The following RUFY4 variants were observed in gnomAD, a reference collection of about 807,000 sequenced individuals.
RUFY4 encodes the protein RUN and FYVE domain containing 4.
Under a neutral mutation model 69.0 loss-of-function variants are expected in RUFY4, and 73 were observed. The ratio of observed to expected loss-of-function variants is 1.06; its 90% CI spans 0.88 to 1.29. RUFY4 has a LOEUF of 1.29. Ranked by LOEUF, RUFY4 falls within the 50% of genes most tolerant of loss-of-function variation. The probability of loss-of-function intolerance (pLI) is 0.00; values close to 1 mark genes in which losing one functional copy is unlikely to be tolerated. For missense variants in RUFY4, 770 were observed against 705.6 expected (o/e 1.09, Z -1.03); for synonymous variants, 287 against 271.8 (o/e 1.06, Z -0.55).
At chr2:218,066,048 A>G (rs1343853031), upstream of RUFY4, among the ~76,000 whole-genome samples, 1 of 152,250 alleles carries the variant, frequency 6.6e-6, no homozygotes, top group Middle Eastern at 3.4e-3. Flanking sequence ...CAGGGCCTTG[A>G]GAGGGCCAGG....
intron 3 of RUFY4, among the ~76,000 whole-genome samples, chr2:218,062,604 G>C: frequency 6.6e-6 from 1 of 151,944 alleles, no homozygotes; most frequent in Non-Finnish European, 1.5e-5. Context: ...CTAGCTACCT[G>C]GGAGGCTGAG....
chr2:218,060,473 T>C, intron 3 of RUFY4: 2 of 1,362,658 alleles, frequency 1.5e-6, no homozygotes, highest in Admixed American at 1.7e-5. Context: ...TTCTGGCCAA[T>C]GAAGGCGTAG....
At chr2:218,075,492 A>C in exon 7 of RUFY4, 1 of 1,588,730 alleles carries the variant, frequency 6.3e-7, no homozygotes, top group Non-Finnish European at 8.6e-7. Context: ...GGGGACTCAC[A>C]AAAAGGAAGC....
chr2:218,069,359 G>A (rs1407009400), upstream of RUFY4: 2 of 152,238 alleles, frequency 1.3e-5, no homozygotes, highest in Non-Finnish European at 2.9e-5. Flanking sequence ...GTGAGTAGCA[G>A]GGAGACCCCT....
intron 10 of RUFY4, 25 bp downstream of exon 12, chr2:218,089,387 C>T (rs772280359): frequency 2.5e-6 from 4 of 1,597,194 alleles, no homozygotes; most frequent in African/African-American, 2.7e-5. Flanking sequence ...ACAGAATCCT[C>T]CCTCTGGGAC....
At chr2:218,060,678 C>T (rs761437097) in intron 3 of RUFY4, 3 of 1,328,848 alleles carry the variant, frequency 2.3e-6, no homozygotes, top group Non-Finnish European at 3.3e-6. Context: ...CCCACATGGT[C>T]CAGTGCTTCT....
chr2:218,053,594 C>A (rs1688992049), intron 2 of RUFY4, among the ~76,000 whole-genome samples: 2 of 152,144 alleles, frequency 1.3e-5, no homozygotes, highest in African/African-American at 4.8e-5. Flanking sequence ...ACTGCAAGCT[C>A]CGCCTCCCGG....
chr2:218,090,172 T>C lies in RUFY4; in HGVS notation c.*118T>C, dbSNP rs1173340074. On this transcript the variant is annotated 3_prime_UTR_variant, in exon 11 of 11. Transcript: ENST00000344321. The stretch of plus-strand genomic sequence containing the variant: ...TTTGTCCAGTCCTCATTCTAGACAC[T>C]GAAGATCTAAGGCACCAGCACTTCT... 1.6e-5 allele frequency: 9 copies of C among 545,576 alleles called. No individual in the cohort carries two copies. In the African/African-American group the frequency reaches 1.7e-4, roughly 10 times the overall value. The allele number at this position is 545,576 out of a possible 1,614,324, so 33.8% of individuals were successfully genotyped here.
chr2:218,062,887 C>A (rs898337643), intron 3 of RUFY4, among the ~76,000 whole-genome samples: 1 of 152,188 alleles, frequency 6.6e-6, no homozygotes, highest in African/African-American at 2.4e-5. Flanking sequence ...TAAGAGGGAA[C>A]GGCGGCAGGA....
exon 7 of RUFY4, chr2:218,075,557 G>A: frequency 2.0e-6 from 3 of 1,535,760 alleles, no homozygotes; most frequent in Non-Finnish European, 2.6e-6. Flanking sequence ...GGGCTGTAGA[G>A]GGAGCAGTAT....
chr2:218,056,662 T>C (rs1689072865), intron 2 of RUFY4, among the ~76,000 whole-genome samples: 1 of 152,158 alleles, frequency 6.6e-6, no homozygotes, highest in Non-Finnish European at 1.5e-5. Context: ...TAGAGTTGAG[T>C]GTCCAGAGGA....
upstream of RUFY4, among the ~76,000 whole-genome samples, chr2:218,066,911 C>T (rs1457914007): frequency 6.6e-6 from 1 of 152,186 alleles, no homozygotes; most frequent in Admixed American, 6.5e-5. Flanking sequence ...ATTACTGTTG[C>T]TTTAATGGTA....
chr2:218,078,921 G>A (rs1283294639), intron 8 of RUFY4, among the ~76,000 whole-genome samples: 3 of 152,326 alleles, frequency 2.0e-5, no homozygotes, highest in Admixed American at 1.3e-4. Context: ...AGGCTGGAGT[G>A]CAGTGGCGAC....
At chr2:218,046,720 A>T (rs181500196) in intron 2 of RUFY4, among the ~76,000 whole-genome samples, 64 of 152,358 alleles carry the variant, frequency 4.2e-4, no homozygotes, top group Admixed American at 1.2e-3. Flanking sequence ...TGACAAATAT[A>T]ACTTAGAGAA....
chr2:218,084,374 G>C (rs1689842752), intron 9 of RUFY4, among the ~76,000 whole-genome samples: 1 of 152,108 alleles, frequency 6.6e-6, no homozygotes, highest in South Asian at 2.1e-4. Flanking sequence ...TGGGACTACA[G>C]GTGTATGCCA....
chr2:218,046,831 T>C (rs1688840434), intron 2 of RUFY4, among the ~76,000 whole-genome samples: 1 of 152,152 alleles, frequency 6.6e-6, no homozygotes, highest in East Asian at 1.9e-4. Flanking sequence ...GGAGATAAAA[T>C]TAATTCTTTT....
chr2:218,083,117 G>A lies in RUFY4; in HGVS notation c.1363G>A (p.Glu455Lys). ...TCTTCCTTCTGTACCCAGGTGTCAG[G>A]AAGAGAGAGCCGAGCTGCAGGCACA... Residue 455 changes from glutamate (E) to lysine (K), a missense_variant, in exon 9 of 11, where the codon GAA (glutamate) becomes AAA (lysine). Coordinates refer to ENST00000344321, the Ensembl canonical transcript of RUFY4. The A allele has an allele frequency of 6.2e-7, 1 of 1,613,070 alleles. No individual in the cohort carries two copies. The highest frequency in any genetic ancestry group is 8.5e-7 in the Non-Finnish European group (1 of 1,179,772).
upstream of RUFY4, among the ~76,000 whole-genome samples, chr2:218,066,222 C>A (rs1200809116): frequency 8.4e-6 from 1 of 118,440 alleles, no homozygotes; most frequent in Non-Finnish European, 1.6e-5. Context: ...TTGCTCTTGT[C>A]GCCCAGGCTG....
At position 218,036,980 on chromosome 2, in the gene RUFY4, G is replaced by T. The variant is rs545631592; in HGVS notation, c.-1158+1586G>T. ...TAATTCCATGGGAGAAAATTGGATT[G>T]GAGGAATCTAGAAGGAATCAAGATC... On this transcript the variant is annotated intron_variant and NMD_transcript_variant, in intron 2 of 13. Transcript: ENST00000457754. Among the ~76,000 whole-genome samples the T allele has an allele frequency of 2.0e-5, 3 of 152,284 alleles. No homozygotes were observed. In the South Asian group the frequency reaches 6.2e-4, roughly 32 times the overall value.
Sources: gnomAD v4.1 joint callset for allele counts (sites outside exome capture counted in the v4.1 genomes callset) on GRCh38, gnomAD v4.1.1 for gene constraint, MANE v1.5 for transcripts, NCBI Gene and HGNC (gene_info 2026-07-23, HGNC 2026-07-21) for gene names.